The following METTL15 variants were observed in gnomAD, a reference collection of about 807,000 sequenced individuals.
METTL15 encodes the protein 12S rRNA N(4)-cytidine methyltransferase METTL15.
In METTL15, 34 loss-of-function variants were observed where a neutral mutation model predicts 38.3. The ratio of observed to expected loss-of-function variants is 0.89; its 90% CI spans 0.68 to 1.18. METTL15 has a LOEUF of 1.18. Ranked by LOEUF, METTL15 falls within the 50% of genes most tolerant of loss-of-function variation. METTL15 has a pLI of 0.00. For missense variants in METTL15, 438 were observed against 498.4 expected, an observed-to-expected ratio of 0.88 and a Z score of 1.15; for synonymous variants, 162 against 170.9, an observed-to-expected ratio of 0.95 and a Z score of 0.41.
At chr11:28,216,654 T>C (rs1310196815) in intron 4 of METTL15, among the ~76,000 whole-genome samples, 1 of 151,974 alleles carries the variant, frequency 6.6e-6, no homozygotes. Context: ...GTTGCTGTGC[T>C]GCACCCATTA....
chr11:28,291,657 A>G (rs534232135), intron 5 of METTL15, among the ~76,000 whole-genome samples: 9 of 152,324 alleles, frequency 5.9e-5, no homozygotes, highest in African/African-American at 2.2e-4. Flanking sequence ...GAAGAATGTA[A>G]TTATAAAAGA....
chr11:28,433,816 G>C (rs1015539298), intron 6 of METTL15, among the ~76,000 whole-genome samples: 1 of 152,048 alleles, frequency 6.6e-6, no homozygotes, highest in East Asian at 1.9e-4. Context: ...ACAACTAGTT[G>C]AGTTGTCCTT....
At chr11:28,397,266 C>A (rs1850581144) in intron 5 of METTL15, among the ~76,000 whole-genome samples, 1 of 151,992 alleles carries the variant, frequency 6.6e-6, no homozygotes, top group Admixed American at 6.6e-5. Flanking sequence ...TAAAGAGCTT[C>A]TGCACAGCAA....
At chr11:28,342,529 C>T (rs2133355459) in intron 3 of METTL15, among the ~76,000 whole-genome samples, 1 of 152,066 alleles carries the variant, frequency 6.6e-6, no homozygotes, top group East Asian at 1.9e-4. Flanking sequence ...TCCCAAAGTA[C>T]TATAACTACA....
At chr11:28,482,554 A>G (rs938712893) in intron 6 of METTL15, among the ~76,000 whole-genome samples, 3 of 152,214 alleles carry the variant, frequency 2.0e-5, no homozygotes, top group Admixed American at 2.0e-4. Flanking sequence ...AACAAGTTCT[A>G]TATTTACAGT....
At chr11:28,388,791 G>A (rs539356253) in intron 5 of METTL15, among the ~76,000 whole-genome samples, 241 of 151,280 alleles carry the variant, frequency 1.6e-3, no homozygotes, top group African/African-American at 5.5e-3. Context: ...TTAACTCGTC[G>A]TTTAACATTA....
chr11:28,258,617 C>A (rs1390119337), intron 4 of METTL15, among the ~76,000 whole-genome samples: 2 of 152,216 alleles, frequency 1.3e-5, no homozygotes, highest in East Asian at 3.9e-4. Flanking sequence ...ATTTTCTCCC[C>A]TTTCCAAAGG....
At chr11:28,181,356 C>T (rs996955142) in intron 3 of METTL15, among the ~76,000 whole-genome samples, 4 of 148,920 alleles carry the variant, frequency 2.7e-5, no homozygotes, top group Non-Finnish European at 5.9e-5. Flanking sequence ...TTGCCATACT[C>T]ATCAACCCGT....
At chr11:28,156,536 T>C (rs1298475194) in intron 3 of METTL15, among the ~76,000 whole-genome samples, 1 of 152,164 alleles carries the variant, frequency 6.6e-6, no homozygotes, top group Non-Finnish European at 1.5e-5. Context: ...TAAACATTTA[T>C]GTCATTACTT....
intron 4 of METTL15, among the ~76,000 whole-genome samples, chr11:28,285,959 T>C (rs760480451): frequency 1.3e-5 from 2 of 152,178 alleles, no homozygotes; most frequent in Non-Finnish European, 2.9e-5. Context: ...CAAAGTAGTG[T>C]AGCTAATCAA....
intron 3 of METTL15, among the ~76,000 whole-genome samples, chr11:28,199,814 C>T (rs1259095484): frequency 1.3e-5 from 2 of 151,408 alleles, no homozygotes; most frequent in Admixed American, 6.6e-5. Context: ...ATGATCTCGG[C>T]TCACTGCAAC....
chr11:28,306,040 C>T (rs1857072102), intron 6 of METTL15, among the ~76,000 whole-genome samples: 1 of 152,036 alleles, frequency 6.6e-6, no homozygotes, highest in Admixed American at 6.6e-5. Flanking sequence ...TCCTGGAATT[C>T]CTCATTATCT....
At chr11:28,382,419 A>G (rs965448248) in intron 5 of METTL15, among the ~76,000 whole-genome samples, 4 of 152,284 alleles carry the variant, frequency 2.6e-5, no homozygotes, top group African/African-American at 9.6e-5. Flanking sequence ...AAAAAACCCA[A>G]AATGGCTAGG....
chr11:28,212,698 G>T (rs1206215230), intron 4 of METTL15, among the ~76,000 whole-genome samples: 2 of 152,090 alleles, frequency 1.3e-5, no homozygotes. Flanking sequence ...GTGACAAGAA[G>T]AAAAAAGTTT....
intron 6 of METTL15, among the ~76,000 whole-genome samples, chr11:28,311,083 A>G (rs1286689361): frequency 6.6e-6 from 1 of 151,742 alleles, no homozygotes; most frequent in Non-Finnish European, 1.5e-5. Flanking sequence ...TTAAACTAGC[A>G]CAGCAGTTTG....
At chr11:28,505,739 A>T (rs982055603) in intron 6 of METTL15, among the ~76,000 whole-genome samples, 1 of 152,174 alleles carries the variant, frequency 6.6e-6, no homozygotes, top group East Asian at 1.9e-4. Flanking sequence ...AGTATCTGCC[A>T]TCTTGAATTT....
At chr11:28,191,590 T>C (rs1021814889) in intron 3 of METTL15, among the ~76,000 whole-genome samples, 1 of 151,602 alleles carries the variant, frequency 6.6e-6, no homozygotes, top group Non-Finnish European at 1.5e-5. Flanking sequence ...TTGTATATTT[T>C]CAGGTTCTAT....
At chr11:28,132,084 G>T (rs1849357938) in intron 3 of METTL15, among the ~76,000 whole-genome samples, 1 of 152,156 alleles carries the variant, frequency 6.6e-6, no homozygotes, top group Non-Finnish European at 1.5e-5. Context: ...CATACCTTGT[G>T]AAATATATTT....
intron 3 of METTL15, among the ~76,000 whole-genome samples, chr11:28,151,848 C>CT (rs1419126634): frequency 6.6e-6 from 1 of 152,014 alleles, no homozygotes; most frequent in Non-Finnish European, 1.5e-5. Context: ...CTTAAGTAGG[C>CT]TTATAGCTGT....
Sources: allele counts gnomAD v4.1 joint callset (sites outside exome capture counted in the v4.1 genomes callset), GRCh38; gene constraint gnomAD v4.1.1; transcripts MANE v1.5; gene names NCBI Gene and HGNC (gene_info 2026-07-23, HGNC 2026-07-21).